Variants in IGF2BP2 observed in about 807,000 individuals in gnomAD.
IGF2BP2 encodes insulin-like growth factor 2 mRNA-binding protein 2.
IGF2BP2 carries 17 observed loss-of-function variants against 75.8 expected under a neutral mutation model. That is an observed-to-expected ratio of 0.22 (90% confidence interval 0.15 to 0.34). IGF2BP2 has a LOEUF of 0.34. IGF2BP2 is among the 10% of genes least tolerant of loss of function. The pLI, the probability that IGF2BP2 is intolerant of heterozygous loss-of-function variation, is 1.00. For synonymous variants in IGF2BP2, 288 were observed against 295.6 expected (o/e 0.97, Z 0.26); for missense variants, 516 against 772.4 (o/e 0.67, Z 3.93).
At chr3:185,790,206 T>C (rs972625799) in intron 2 of IGF2BP2, among the ~76,000 whole-genome samples, 1 of 152,204 alleles carries the variant, frequency 6.6e-6, no homozygotes, top group African/African-American at 2.4e-5. Flanking sequence ...ACCTCTTTGC[T>C]ACCAGGTGTG....
chr3:185,793,150 A>C (rs914207385), intron 2 of IGF2BP2, among the ~76,000 whole-genome samples: 2 of 152,168 alleles, frequency 1.3e-5, no homozygotes, highest in African/African-American at 2.4e-5. Context: ...GGCTTCCTAC[A>C]TTAAGGAGTG....
At chr3:185,764,365 G>C (rs939128062) in intron 2 of IGF2BP2, among the ~76,000 whole-genome samples, 1 of 152,148 alleles carries the variant, frequency 6.6e-6, no homozygotes, top group Non-Finnish European at 1.5e-5. Flanking sequence ...GAAGCACAAA[G>C]TGGCTTCCTC....
chr3:185,734,995 TAAGTGCTC>T (rs1728672513), intron 2 of IGF2BP2, among the ~76,000 whole-genome samples: 1 of 152,108 alleles, frequency 6.6e-6, no homozygotes, highest in South Asian at 2.1e-4. Flanking sequence ...AAAGCACACA[TAAGTGCTC>T]AAGCTACAAA....
At chr3:185,751,746 C>T (rs769498357) in intron 2 of IGF2BP2, among the ~76,000 whole-genome samples, 2 of 151,986 alleles carry the variant, frequency 1.3e-5, no homozygotes, top group South Asian at 2.1e-4. Flanking sequence ...GGGCGGATCA[C>T]GAGGTCAAGA....
At chr3:185,646,276 G>A (rs920005049) in intron 15 of IGF2BP2, among the ~76,000 whole-genome samples, 4 of 152,170 alleles carry the variant, frequency 2.6e-5, no homozygotes, top group African/African-American at 4.8e-5. Flanking sequence ...CGGGGGGTGC[G>A]TGTGTGGGTG....
intron 7 of IGF2BP2, among the ~76,000 whole-genome samples, chr3:185,682,167 G>T (rs1200429463): frequency 6.6e-6 from 1 of 152,180 alleles, no homozygotes; most frequent in Non-Finnish European, 1.5e-5. Context: ...TATTTGATAA[G>T]GGGTTTGCTA....
chr3:185,696,099 TTAAA>T (rs1160454824), intron 4 of IGF2BP2, among the ~76,000 whole-genome samples: 1 of 152,136 alleles, frequency 6.6e-6, no homozygotes, highest in Admixed American at 6.6e-5. Context: ...GGGTGCTTTT[TTAAA>T]TATAGATTCA....
chr3:185,703,138 A>G (rs1723541867), intron 2 of IGF2BP2, among the ~76,000 whole-genome samples: 1 of 152,216 alleles, frequency 6.6e-6, no homozygotes, highest in African/African-American at 2.4e-5. Context: ...TGATTATAGC[A>G]CACATGTGTG....
chr3:185,662,851 T>C (rs1252333816), intron 10 of IGF2BP2, among the ~76,000 whole-genome samples: 1 of 151,998 alleles, frequency 6.6e-6, no homozygotes, highest in Non-Finnish European at 1.5e-5. Context: ...CTAATTTTTT[T>C]GCATTTTTAG....
chr3:185,661,787 G>C (rs1353132676), intron 10 of IGF2BP2, among the ~76,000 whole-genome samples: 1 of 152,132 alleles, frequency 6.6e-6, no homozygotes, highest in African/African-American at 2.4e-5. Context: ...GCACAAAAGA[G>C]AACTTCAAGT....
intron 2 of IGF2BP2, among the ~76,000 whole-genome samples, chr3:185,715,568 C>T (rs1190625411): frequency 6.6e-6 from 1 of 152,166 alleles, no homozygotes; most frequent in Non-Finnish European, 1.5e-5. Context: ...AAGTGTAATT[C>T]GACCCTGTTC....
chr3:185,704,551 G>C (rs761633210), intron 2 of IGF2BP2, among the ~76,000 whole-genome samples: 1 of 152,178 alleles, frequency 6.6e-6, no homozygotes, highest in Non-Finnish European at 1.5e-5. Flanking sequence ...CCCGGCCCAA[G>C]TGACCCTCCC....
At chr3:185,795,099 A>T (rs569385763) in intron 2 of IGF2BP2, among the ~76,000 whole-genome samples, 5 of 151,784 alleles carry the variant, frequency 3.3e-5, no homozygotes, top group African/African-American at 1.2e-4. Context: ...AGGTTTCACC[A>T]TGTTAGCCAG....
intron 6 of IGF2BP2, 167 bp downstream of exon 6, chr3:185,689,188 C>T: frequency 1.5e-6 from 1 of 678,106 alleles, no homozygotes; most frequent in Non-Finnish European, 2.4e-6. Context: ...GTCACAGCCC[C>T]CAGCTTGATG....
chr3:185,731,023 T>C (rs1193451344), intron 2 of IGF2BP2, among the ~76,000 whole-genome samples: 2 of 152,200 alleles, frequency 1.3e-5, no homozygotes, highest in Non-Finnish European at 2.9e-5. Flanking sequence ...TAAACTGATG[T>C]TTACATTAAA....
rs1713058707 is a variant in IGF2BP2 at position 185,643,812 on chromosome 3, T to C, written c.*1719A>G. ...TTTTTTTTTTTTTGTCACAGAACACTGTTTGCAGTAGAGGAAACTGGCATT... is the reference window on the plus strand; with the variant it reads ...TTTTTTTTTTTTTGTCACAGAACACCGTTTGCAGTAGAGGAAACTGGCATT... On this transcript the variant is annotated 3_prime_UTR_variant, in exon 16 of 16. Transcript: ENST00000382199. The C allele has an allele frequency of 7.2e-6, 1 of 138,358 alleles. No homozygotes were observed. The highest frequency in any genetic ancestry group is 1.5e-5 in the Non-Finnish European group (1 of 64,796). 8.6% of individuals were successfully genotyped at this position (138,358 alleles called of 1,614,324 possible).
At chr3:185,694,222 A>G (rs1722297834) in intron 4 of IGF2BP2, among the ~76,000 whole-genome samples, 1 of 152,214 alleles carries the variant, frequency 6.6e-6, no homozygotes, top group Admixed American at 6.5e-5. Flanking sequence ...GGGGAGGTGT[A>G]GCACATTACT....
chr3:185,824,605 G>A (rs1188733157), intron 1 of IGF2BP2, among the ~76,000 whole-genome samples, 178 bp downstream of exon 1: 3 of 151,512 alleles, frequency 2.0e-5, no homozygotes, highest in Non-Finnish European at 4.4e-5. Context: ...TGGGGGGAGG[G>A]GAGCGGGCCG....
intron 11 of IGF2BP2, 140 bp from the exon 12 acceptor site, chr3:185,657,542 A>G (rs895825387): frequency 1.1e-5 from 7 of 629,872 alleles, no homozygotes; most frequent in Middle Eastern, 2.6e-4. Context: ...AATGGTGCAC[A>G]GGATCCTTCT....
Sources: allele counts gnomAD v4.1 joint callset (sites outside exome capture counted in the v4.1 genomes callset), GRCh38; gene constraint gnomAD v4.1.1; transcripts MANE v1.5; gene names NCBI Gene and HGNC (gene_info 2026-07-23, HGNC 2026-07-21).